CDH9: variants seen among roughly 807,000 people sequenced by gnomAD.
CDH9 encodes the protein cadherin-9.
In CDH9, 28 loss-of-function variants were observed where a neutral mutation model predicts 70.9. That is an observed-to-expected ratio of 0.40 (90% CI 0.29 to 0.54). CDH9 has a LOEUF of 0.54. Among genes scored for constraint, CDH9 ranks in the 20% least tolerant of loss-of-function variants. The pLI, the probability that CDH9 is intolerant of heterozygous loss-of-function variation, is 0.59. For missense variants in CDH9, 874 were observed against 984.4 expected (o/e 0.89, Z 1.50); for synonymous variants, 409 against 343.1 (o/e 1.19, Z -2.12).
rs1265659383 is a variant in CDH9 at position 26,902,627 on chromosome 5, C to A, written c.1102G>T (p.Ala368Ser). 6.2e-7 allele frequency: 1 copy of A among 1,602,700 alleles called. No homozygotes were observed. The highest frequency in any genetic ancestry group is 1.7e-5 in the Admixed American group (1 of 59,824). ...FLHLGPFKDT[A>S]VVKISVEDID... The stretch of plus-strand genomic sequence containing the variant: ...TCTTCCACAGATATTTTGACCACAG[C>A]TGTATCTTTGAAAGGTCCCAGGTGT... Residue 368 changes from alanine to serine, a missense_variant, in exon 7 of 12, where the codon GCT becomes TCT. Physicochemically the swap from Ala to Ser is moderately conservative, Grantham distance 99. Coordinates refer to ENST00000231021, the MANE Select transcript of CDH9 (RefSeq NM_016279.4).
intron 5 of CDH9, 121 bp from the exon 6 acceptor site, chr5:26,903,945 T>G (rs1425840399): frequency 1.2e-5 from 7 of 578,332 alleles, no homozygotes; most frequent in Admixed American, 1.1e-4. Context: ...CATATTGAAT[T>G]GTAAGCTGTC....
Position 26,883,094 on chromosome 5 carries a change from T to A in CDH9, c.1883-1471A>T, listed in dbSNP as rs1404863925. On this transcript the variant is annotated intron_variant, in intron 11 of 11. Coordinates refer to ENST00000231021, the MANE Select transcript of CDH9 (RefSeq NM_016279.4). ...ATATATATATATATATATATATATA[T>A]AAAACTGCAGTAAAAATGAGACCTC... Among the ~76,000 whole-genome samples the A allele has an allele frequency of 3.9e-3, 389 of 100,080 alleles. 4 individuals are homozygous for A. The highest frequency in any genetic ancestry group is 0.013 in the African/African-American group (318 of 24,002). The allele number at this position is 100,080 out of a possible 152,430, so 65.7% of individuals were successfully genotyped here.
chr5:26,926,878 GCCAGTATTAC>G (rs1741349103), intron 2 of CDH9, among the ~76,000 whole-genome samples: 1 of 148,766 alleles, frequency 6.7e-6, no homozygotes, highest in South Asian at 2.1e-4. Flanking sequence ...ATTCTGTGAA[GCCAGTATTAC>G]CCTGATACCA....
chr5:26,955,686 A>T (rs1214490224), intron 2 of CDH9, among the ~76,000 whole-genome samples: 1 of 152,128 alleles, frequency 6.6e-6, no homozygotes, highest in Non-Finnish European at 1.5e-5. Flanking sequence ...AGAGACACAG[A>T]TTCCGGGATT....
In CDH9 at chr5:26,881,188, C is replaced by G. The variant is rs553402369; in HGVS notation, c.2318G>C (p.Arg773Pro). The change falls in exon 12 of 12, where the codon CGT becomes CCT. Residue 773 changes from arginine to proline, a missense_variant. Arg to Pro is a moderately radical substitution (Grantham distance 103, BLOSUM62 -2). Coordinates refer to ENST00000231021, the MANE Select transcript of CDH9 (RefSeq NM_016279.4). ...DYDYLSDWGP[R>P]FKKLADMYGG... ...ATACATATCGGCAAGTTTTTTGAAA[C>G]GAGGCCCCCAGTCACTGAGGTAATC... 26 of 1,612,500 alleles carry G rather than the reference C, an allele frequency of 1.6e-5. No individual in the cohort carries two copies. The highest frequency in any genetic ancestry group is 2.0e-5 in the Non-Finnish European group (24 of 1,179,218).
intron 6 of CDH9, 162 bp downstream of exon 6, chr5:26,903,475 T>C: frequency 2.8e-6 from 2 of 714,114 alleles, no homozygotes; most frequent in Non-Finnish European, 5.1e-6. Context: ...TGAAGACATT[T>C]AACTTGCTTG....
At chr5:26,893,993 T>C (rs1320111826) in intron 7 of CDH9, among the ~76,000 whole-genome samples, 1 of 152,136 alleles carries the variant, frequency 6.6e-6, no homozygotes, top group Non-Finnish European at 1.5e-5. Context: ...ATAAAGTCAT[T>C]GGAACAACAA....
At chr5:26,927,033 CAG>C (rs1741354816) in intron 2 of CDH9, among the ~76,000 whole-genome samples, 2 of 150,156 alleles carry the variant, frequency 1.3e-5, no homozygotes, top group South Asian at 4.2e-4. Flanking sequence ...AATTCAATAA[CAG>C]ATTAAAAAGA....
intron 2 of CDH9, among the ~76,000 whole-genome samples, chr5:26,948,761 T>C (rs1325259744): frequency 2.6e-5 from 4 of 152,192 alleles, no homozygotes; most frequent in Non-Finnish European, 5.9e-5. Context: ...CAATAGGCAA[T>C]TGAAACACTT....
intron 1 of CDH9, among the ~76,000 whole-genome samples, chr5:27,038,024 A>T (rs1743423700): frequency 6.6e-6 from 1 of 151,982 alleles, no homozygotes; most frequent in Admixed American, 6.6e-5. Flanking sequence ...TATTTTTGAC[A>T]ATTTTGACTC....
At chr5:26,921,778 A>G (rs1173457764) in intron 2 of CDH9, among the ~76,000 whole-genome samples, 1 of 152,154 alleles carries the variant, frequency 6.6e-6, no homozygotes, top group Non-Finnish European at 1.5e-5. Flanking sequence ...AGTGAGTCTA[A>G]GAACCGAGGA....
chr5:26,904,494 A>C (rs1444156712), intron 5 of CDH9, among the ~76,000 whole-genome samples: 3 of 152,082 alleles, frequency 2.0e-5, no homozygotes, highest in Admixed American at 6.6e-5. Flanking sequence ...TGCAGTCTAT[A>C]CAAGGTCTAA....
At chr5:26,974,834 G>A (rs10942224) in intron 2 of CDH9, among the ~76,000 whole-genome samples, 71,286 of 151,166 alleles carry the variant, frequency 0.47, 17,568 homozygotes, top group Non-Finnish European at 0.53. Flanking sequence ...GTGTGTGTGC[G>A]TGTGTGTTGA....
intron 1 of CDH9, among the ~76,000 whole-genome samples, chr5:27,027,822 T>A (rs1743246167): frequency 6.6e-6 from 1 of 152,046 alleles, no homozygotes; most frequent in Non-Finnish European, 1.5e-5. Flanking sequence ...GCTGACATCA[T>A]CAGCCTAGTG....
intron 1 of CDH9, among the ~76,000 whole-genome samples, chr5:27,004,880 T>C (rs148763905): frequency 5.3e-5 from 8 of 152,290 alleles, no homozygotes; most frequent in African/African-American, 9.6e-5. Flanking sequence ...CTGAGATTTA[T>C]CAGTATATTA....
At chr5:26,994,347 T>A (rs1010263087) in intron 1 of CDH9, among the ~76,000 whole-genome samples, 2 of 152,114 alleles carry the variant, frequency 1.3e-5, no homozygotes, top group African/African-American at 4.8e-5. Flanking sequence ...TAAATATTTG[T>A]GGCCCATCAA....
At chr5:26,921,126 G>C (rs1741236520) in intron 2 of CDH9, among the ~76,000 whole-genome samples, 1 of 152,004 alleles carries the variant, frequency 6.6e-6, no homozygotes, top group Non-Finnish European at 1.5e-5. Flanking sequence ...ACATGAGCAG[G>C]AGGGACAGCA....
At chr5:26,968,071 T>C (rs945958521) in intron 2 of CDH9, among the ~76,000 whole-genome samples, 1 of 152,150 alleles carries the variant, frequency 6.6e-6, no homozygotes, top group African/African-American at 2.4e-5. Context: ...TTAGAACCTA[T>C]TGTATTTCAG....
intron 1 of CDH9, among the ~76,000 whole-genome samples, chr5:27,009,178 T>C (rs1285088129): frequency 6.6e-6 from 1 of 152,172 alleles, no homozygotes; most frequent in Non-Finnish European, 1.5e-5. Context: ...AATTGAAGGA[T>C]TTGATAATTT....
Sources: allele counts gnomAD v4.1 joint callset (sites outside exome capture counted in the v4.1 genomes callset), GRCh38; gene constraint gnomAD v4.1.1; transcripts MANE v1.5; gene names NCBI Gene and HGNC (gene_info 2026-07-23, HGNC 2026-07-21).